ZNF354C: variants seen among roughly 807,000 people sequenced by gnomAD.
ZNF354C encodes the protein zinc finger protein 354C, also known as KRAB-zinc finger protein synten.
A neutral mutation model predicts 12.4 loss-of-function variants in ZNF354C; 7 were observed. That is an observed-to-expected ratio of 0.56 (90% CI 0.32 to 1.06). The LOEUF (loss-of-function observed/expected upper bound fraction) is 1.06. Ranked by LOEUF, ZNF354C falls within the 50% of genes least tolerant of loss-of-function variation. The pLI, the probability that ZNF354C is intolerant of heterozygous loss-of-function variation, is 0.04. For synonymous variants in ZNF354C, 202 were observed against 224.5 expected (o/e 0.90, Z 0.90); for missense variants, 609 against 658.0 (o/e 0.93, Z 0.81).
chr5:179,077,337 G>A (rs6601010), intron 4 of ZNF354C, among the ~76,000 whole-genome samples, 171 bp downstream of exon 4: 59,996 of 152,048 alleles, frequency 0.39, 12,797 homozygotes, highest in African/African-American at 0.57. Flanking sequence ...CCTAATTGCA[G>A]TTATCTAATG....
Position 179,082,777 on chromosome 5 carries a change from C to T in ZNF354C, c.*2680C>T. 2 of 1,350,236 alleles carry T rather than the reference C, an allele frequency of 1.5e-6. No homozygotes were observed. The highest frequency in any genetic ancestry group is 2.1e-6 in the Non-Finnish European group (2 of 940,988). The allele number at this position is 1,350,236 out of a possible 1,614,324, so 83.6% of individuals were successfully genotyped here. On this transcript the variant is annotated 3_prime_UTR_variant, in exon 5 of 5. Coordinates refer to ENST00000315475, the MANE Select transcript of ZNF354C (RefSeq NM_014594.3). ...AGAGCCATTAGGCGAGGATCACTGG[C>T]ATCATCCAGGGTGATGTTCTTCAAG...
At chr5:179,076,155 G>A (rs1464432963) in intron 2 of ZNF354C, among the ~76,000 whole-genome samples, 7 of 152,088 alleles carry the variant, frequency 4.6e-5, no homozygotes, top group African/African-American at 1.2e-4. Context: ...TCATCACATC[G>A]CCTTCTCTTG....
chr5:179,069,561 C>CAAAAA (rs761235131), intron 2 of ZNF354C, among the ~76,000 whole-genome samples: 2 of 77,644 alleles, frequency 2.6e-5, no homozygotes. Flanking sequence ...GACTCCATCT[C>CAAAAA]AAAAAAAAAA....
In ZNF354C at chr5:179,082,594, G is replaced by A; in HGVS notation, c.*2497G>A. 9.6e-7 allele frequency: 1 copy of A among 1,042,616 alleles called. No individual in the cohort carries two copies. The highest frequency in any genetic ancestry group is 2.4e-5 in the East Asian group (1 of 42,214). The allele number at this position is 1,042,616 out of a possible 1,614,324, so 64.6% of individuals were successfully genotyped here. ...TATTCCAGATTTCGGGAGGGATGAA[G>A]AGGGAGATATTCAGAAACCTTCACC... On this transcript the variant is annotated 3_prime_UTR_variant, in exon 5 of 5. Transcript: ENST00000315475.
chr5:179,065,658 C>T (rs763442429), intron 2 of ZNF354C, among the ~76,000 whole-genome samples: 47 of 152,204 alleles, frequency 3.1e-4, no homozygotes, highest in African/African-American at 1.1e-3. Context: ...TCAAGTGATC[C>T]GCCTGCCTGG....
At position 179,080,189 on chromosome 5, in the gene ZNF354C, C is replaced by G; in HGVS notation, c.*92C>G. ...CCTAATAGATTTGTCTTTTTTACTTCTCCTGAAGGAAATATGTTAGTTGCC... is the reference window on the plus strand; with the variant it reads ...CCTAATAGATTTGTCTTTTTTACTTGTCCTGAAGGAAATATGTTAGTTGCC... On this transcript the variant is annotated 3_prime_UTR_variant, in exon 5 of 5. Transcript: ENST00000315475. 1.0e-6 allele frequency: 1 copy of G among 960,438 alleles called. No individual in the cohort carries two copies. The highest frequency in any genetic ancestry group is 2.6e-5 in the East Asian group (1 of 38,984). 59.5% of individuals were successfully genotyped at this position (960,438 alleles called of 1,614,324 possible).
chr5:179,080,816 A>G lies in ZNF354C; in HGVS notation c.*719A>G, dbSNP rs1762217907. ...GTTTTATATAACTGAACAGAGTACT[A>G]TTACAGTACCGTAGAAGGCGGATTA... On this transcript the variant is annotated 3_prime_UTR_variant, in exon 5 of 5. Coordinates refer to ENST00000315475, the MANE Select transcript of ZNF354C (RefSeq NM_014594.3). 1 of 152,192 alleles carries G rather than the reference A, an allele frequency of 6.6e-6. No individual in the cohort carries two copies. The highest frequency in any genetic ancestry group is 2.1e-4 in the South Asian group (1 of 4,832). The allele number at this position is 152,192 out of a possible 1,614,324, so 9.4% of individuals were successfully genotyped here.
rs1762201992 is a variant in ZNF354C at position 179,080,014 on chromosome 5, G to T, written c.1582G>T (p.Glu528Ter). 1.9e-6 allele frequency: 3 copies of T among 1,612,860 alleles called. No individual in the cohort carries two copies. Among genetic ancestry groups the T allele is most frequent in the South Asian group, 1.1e-5 (1 of 90,782 alleles). Residue 528 changes from glutamate (E) to a stop codon, truncating the protein, a stop_gained, in exon 5 of 5, where the codon GAA becomes TAA. Transcript: ENST00000315475. LOFTEE classifies it low-confidence loss of function (END_TRUNC). ...GAAAGAGAAACTCTATAAGTGGAAG[G>T]AATATGGGAAACCTTTCATCTGCAG... ...HTKEKLYKWK[E>*]YGKPFICSSS...
chr5:179,070,934 C>T (rs144713241), intron 2 of ZNF354C, among the ~76,000 whole-genome samples: 1,690 of 149,526 alleles, frequency 0.011, 32 homozygotes, highest in African/African-American at 0.039. Context: ...CTGCAAGCTC[C>T]GCCTCTCAGG....
rs1432381950 is a variant in ZNF354C at position 179,079,925 on chromosome 5, G to A, written c.1493G>A (p.Cys498Tyr). ...RIHTGEKLYK[C>Y]MECGKAYSYR... ...CACACTGGAGAGAAACTGTATAAATGTATGGAATGTGGGAAAGCCTACAGT... is the reference window on the plus strand; with the variant it reads ...CACACTGGAGAGAAACTGTATAAATATATGGAATGTGGGAAAGCCTACAGT... The change falls in exon 5 of 5, where the codon TGT becomes TAT. Residue 498 changes from cysteine (C) to tyrosine (Y), a missense_variant. Transcript: ENST00000315475. The surrounding 1 kb of genome is among the most constrained non-coding windows in gnomAD (Gnocchi z 4.2). 5 of 1,613,838 alleles carry A rather than the reference G, an allele frequency of 3.1e-6. No homozygotes were observed. The East Asian group carries it at 6.7e-5, about 22-fold the overall frequency.
Position 179,062,102 on chromosome 5 carries a change from G to A in ZNF354C, c.27+7G>A, listed in dbSNP as rs1761901915. The A allele has an allele frequency of 1.9e-6, 3 of 1,614,090 alleles. No individual in the cohort carries two copies. Among genetic ancestry groups the A allele is most frequent in the Non-Finnish European group, 2.5e-6 (3 of 1,180,032 alleles). ...GGATCTGCTGTCTGCTCAGGTGAGA[G>A]TGAGTGAAGGTTGTCTTTTTCATCA... On this transcript the variant is annotated splice_region_variant and intron_variant, in intron 2 of 4. Transcript: ENST00000315475.
intron 3 of ZNF354C, 136 bp from the exon 4 acceptor site, chr5:179,076,935 C>T (rs1015599280): frequency 1.2e-5 from 9 of 754,934 alleles, no homozygotes; most frequent in Admixed American, 6.3e-5. Flanking sequence ...AGTGCCCCTG[C>T]GAAGTGCTTG....
chr5:179,072,772 T>C (rs1452918965), intron 2 of ZNF354C, among the ~76,000 whole-genome samples: 1 of 152,190 alleles, frequency 6.6e-6, no homozygotes, highest in Non-Finnish European at 1.5e-5. Flanking sequence ...ACCCAGTAGA[T>C]CCAAATATTA....
At chr5:179,068,873 TTGGCTGCTTGA>T (rs1354281001) in intron 2 of ZNF354C, among the ~76,000 whole-genome samples, 1 of 152,226 alleles carries the variant, frequency 6.6e-6, no homozygotes, top group East Asian at 1.9e-4. Flanking sequence ...TGAGGCCTCC[TTGGCTGCTTGA>T]TGGCTGCCTT....
At chr5:179,077,864 G>A (rs1351561406) in intron 4 of ZNF354C, among the ~76,000 whole-genome samples, 1 of 146,060 alleles carries the variant, frequency 6.8e-6, no homozygotes, top group African/African-American at 2.5e-5. Flanking sequence ...GGAGTGCAGT[G>A]GTGTGATCAC....
At chr5:179,067,501 G>A (rs1761973547) in intron 2 of ZNF354C, among the ~76,000 whole-genome samples, 1 of 152,174 alleles carries the variant, frequency 6.6e-6, no homozygotes, top group African/African-American at 2.4e-5. Flanking sequence ...ATTATACAAA[G>A]AGCACGTAAG....
chr5:179,079,560 G>T lies in ZNF354C; in HGVS notation c.1128G>T (p.Arg376Ser), dbSNP rs777882764. ...SQFTSLAEHQ[R>S]FHTGEQLYTC... ...TTACATCTCTAGCTGAACATCAGAGGTTTCATACTGGAGAACAACTGTATA... is the reference window on the plus strand; with the variant it reads ...TTACATCTCTAGCTGAACATCAGAGTTTTCATACTGGAGAACAACTGTATA... The change falls in exon 5 of 5, where the codon AGG (arginine) becomes AGT (serine). Residue 376 changes from arginine (R) to serine (S), a missense_variant. By Grantham distance (110) the Arg-to-Ser change is moderately radical. Transcript: ENST00000315475. This position sits in a 1 kb window ranked among gnomAD's most constrained non-coding sequence, Gnocchi z 4.2. 2.6e-5 allele frequency: 42 copies of T among 1,614,012 alleles called. No individual in the cohort carries two copies. Among genetic ancestry groups the T allele is most frequent in the Non-Finnish European group, 3.5e-5 (41 of 1,180,028 alleles).
chr5:179,065,464 T>C (rs1761947340), intron 2 of ZNF354C, among the ~76,000 whole-genome samples: 1 of 152,158 alleles, frequency 6.6e-6, no homozygotes, highest in Non-Finnish European at 1.5e-5. Context: ...TCACCCAGGC[T>C]GGAGTGCAAT....
chr5:179,083,003 G>A lies in ZNF354C; in HGVS notation c.*2906G>A. 1 of 767,854 alleles carries A rather than the reference G, an allele frequency of 1.3e-6. No individual in the cohort carries two copies. Among genetic ancestry groups the A allele is most frequent in the Non-Finnish European group, 2.3e-6 (1 of 443,098 alleles). 47.6% of individuals were successfully genotyped at this position (767,854 alleles called of 1,614,324 possible). Reference sequence around the variant, plus strand: ...GCTTCTTGCTATCCCCTACTTCATAGTTAATGAAGCCAAACTGATCTTGCA... The same window carrying A: ...GCTTCTTGCTATCCCCTACTTCATAATTAATGAAGCCAAACTGATCTTGCA... On this transcript the variant is annotated 3_prime_UTR_variant, in exon 5 of 5. Transcript: ENST00000315475.
Sources: gnomAD v4.1 joint callset for allele counts (sites outside exome capture counted in the v4.1 genomes callset) on GRCh38, gnomAD v4.1.1 for gene constraint, Gnocchi (gnomAD v3.1) non-coding constraint, MANE v1.5 for transcripts, NCBI Gene and HGNC (gene_info 2026-07-23, HGNC 2026-07-21) for gene names.